Variants in SEMA5A observed in about 807,000 individuals in gnomAD.
SEMA5A encodes the protein semaphorin 5A, also known as semaphorin-5A.
SEMA5A carries 55 observed loss-of-function variants against 135.5 expected under a neutral mutation model. The ratio of observed to expected loss-of-function variants is 0.41; its 90% confidence interval spans 0.33 to 0.51. The LOEUF is 0.51. Among genes scored for constraint, SEMA5A ranks in the 20% least tolerant of loss-of-function variants. SEMA5A has a pLI of 0.37. For missense variants in SEMA5A, 1,290 were observed against 1,419.9 expected, an observed-to-expected ratio of 0.91 and a Z score of 1.47; for synonymous variants, 580 against 546.5, an observed-to-expected ratio of 1.06 and a Z score of -0.85.
intron 5 of SEMA5A, among the ~76,000 whole-genome samples, chr5:9,249,842 G>A (rs1319053967): frequency 6.6e-6 from 1 of 152,116 alleles, no homozygotes; most frequent in Non-Finnish European, 1.5e-5. Context: ...AAAAGCAAAT[G>A]AATAAGCTGG....
chr5:9,354,691 G>A (rs1754367342), intron 3 of SEMA5A, among the ~76,000 whole-genome samples: 1 of 152,166 alleles, frequency 6.6e-6, no homozygotes, highest in African/African-American at 2.4e-5. Flanking sequence ...GAATGAGGGA[G>A]GCAGAATCAA....
chr5:9,308,345 A>G (rs1168993058), intron 5 of SEMA5A, among the ~76,000 whole-genome samples: 1 of 152,136 alleles, frequency 6.6e-6, no homozygotes, highest in Admixed American at 6.6e-5. Flanking sequence ...CAGCCGAAGA[A>G]CAAGGGAGAG....
chr5:9,258,803 C>CTTTTTTTT (rs748703578), intron 5 of SEMA5A, among the ~76,000 whole-genome samples: 535 of 48,952 alleles, frequency 0.011, 81 homozygotes, highest in South Asian at 0.013. Context: ...TTCTTTCTTT[C>CTTTTTTTT]TTTTTTTTTT....
At chr5:9,299,286 G>A (rs1041310687) in intron 5 of SEMA5A, among the ~76,000 whole-genome samples, 13 of 152,232 alleles carry the variant, frequency 8.5e-5, no homozygotes, top group African/African-American at 2.6e-4. Context: ...GGCATTAGAG[G>A]GGAGACTATT....
At chr5:9,086,306 C>T (rs955384344) in intron 16 of SEMA5A, among the ~76,000 whole-genome samples, 7 of 152,060 alleles carry the variant, frequency 4.6e-5, no homozygotes, top group African/African-American at 1.4e-4. Context: ...CTCTGTGTCC[C>T]TACCCAAATC....
chr5:9,122,554 G>T, intron 14 of SEMA5A, 102 bp downstream of exon 14: 1 of 1,204,672 alleles, frequency 8.3e-7, no homozygotes, highest in Non-Finnish European at 1.1e-6. Context: ...TTTCACCACA[G>T]TTCTCTCCAA....
intron 6 of SEMA5A, 95 bp downstream of exon 6, chr5:9,237,733 C>G: frequency 9.0e-7 from 1 of 1,112,588 alleles, no homozygotes; most frequent in Non-Finnish European, 1.3e-6. Flanking sequence ...TTACATGGCA[C>G]CGTAATCAGG....
intron 3 of SEMA5A, among the ~76,000 whole-genome samples, chr5:9,368,849 C>T (rs1262438726): frequency 6.6e-6 from 1 of 152,130 alleles, no homozygotes; most frequent in Non-Finnish European, 1.5e-5. Context: ...CTTCTATAAA[C>T]CCTTGGATAC....
intron 11 of SEMA5A, among the ~76,000 whole-genome samples, chr5:9,177,452 C>T (rs1320705954): frequency 6.6e-6 from 1 of 152,196 alleles, no homozygotes; most frequent in East Asian, 1.9e-4. Flanking sequence ...GGTTGTGTTC[C>T]TGACATAGCC....
chr5:9,116,014 A>AACAACTATG, intron 15 of SEMA5A, among the ~76,000 whole-genome samples: 1 of 152,342 alleles, frequency 6.6e-6, no homozygotes, highest in South Asian at 2.1e-4. Flanking sequence ...GTCTCTAAAT[A>AACAACTATG]ACAACTATGT....
intron 8 of SEMA5A, among the ~76,000 whole-genome samples, chr5:9,210,651 C>T (rs898255237): frequency 6.6e-6 from 1 of 152,128 alleles, no homozygotes; most frequent in African/African-American, 2.4e-5. Context: ...AGGAAGGGTG[C>T]AAGCTCTGGA....
rs557916702 is a variant in SEMA5A at position 9,396,039 on chromosome 5, T to C, written c.-77-16016A>G. Among the ~76,000 whole-genome samples the C allele has an allele frequency of 6.5e-4, 99 of 152,328 alleles. 1 individual carries two copies. The highest frequency in any genetic ancestry group is 2.3e-3 in the African/African-American group (94 of 41,580). On this transcript the variant is annotated intron_variant, in intron 2 of 22. Transcript: ENST00000382496. ...GCAGGGGCACACAGACAGATCTATT[T>C]AGTTTAGTAACTAATACCGTGTATC...
At chr5:9,528,465 C>A (rs1737258612) in intron 1 of SEMA5A, among the ~76,000 whole-genome samples, 1 of 152,192 alleles carries the variant, frequency 6.6e-6, no homozygotes, top group Non-Finnish European at 1.5e-5. Context: ...GTGTGCTTTG[C>A]CACTTGCCTG....
At chr5:9,047,908 G>A (rs1273888885) in intron 21 of SEMA5A, among the ~76,000 whole-genome samples, 1 of 152,084 alleles carries the variant, frequency 6.6e-6, no homozygotes, top group African/African-American at 2.4e-5. Context: ...TTTGCACCAG[G>A]TTCTCCTGGG....
At chr5:9,199,397 T>C (rs1005881952) in intron 9 of SEMA5A, among the ~76,000 whole-genome samples, 1 of 152,024 alleles carries the variant, frequency 6.6e-6, no homozygotes, top group East Asian at 1.9e-4. Flanking sequence ...CCTGTGTGAC[T>C]CCACTGTGCT....
At chr5:9,277,889 C>T (rs951385339) in intron 5 of SEMA5A, among the ~76,000 whole-genome samples, 2 of 151,838 alleles carry the variant, frequency 1.3e-5, no homozygotes, top group South Asian at 2.1e-4. Context: ...AGCAAACCAC[C>T]GTGGCACGTG....
intron 1 of SEMA5A, among the ~76,000 whole-genome samples, chr5:9,501,953 A>C (rs757957302): frequency 2.0e-5 from 3 of 152,136 alleles, no homozygotes; most frequent in Non-Finnish European, 2.9e-5. Flanking sequence ...AGATTGTTCT[A>C]CTGTAATTAC....
chr5:9,189,070 A>G (rs1369537170), intron 11 of SEMA5A, among the ~76,000 whole-genome samples: 1 of 152,166 alleles, frequency 6.6e-6, no homozygotes, highest in East Asian at 1.9e-4. Flanking sequence ...CCAGTCCCAC[A>G]TCTGGCTCAT....
intron 5 of SEMA5A, among the ~76,000 whole-genome samples, chr5:9,267,604 C>G (rs1221476548): frequency 6.6e-6 from 1 of 152,154 alleles, no homozygotes; most frequent in Non-Finnish European, 1.5e-5. Context: ...AGTATTCCTT[C>G]TCTCATTTCT....
Sources: allele counts gnomAD v4.1 joint callset (sites outside exome capture counted in the v4.1 genomes callset), GRCh38; gene constraint gnomAD v4.1.1; transcripts MANE v1.5; gene names NCBI Gene and HGNC (gene_info 2026-07-23, HGNC 2026-07-21).